EIF2AK4: variants seen among roughly 807,000 people sequenced by gnomAD.
The protein encoded by EIF2AK4 is eIF-2-alpha kinase GCN2.
EIF2AK4 carries 139 observed loss-of-function variants against 211.1 expected under a neutral mutation model. That is an observed-to-expected ratio of 0.66 (90% CI 0.57 to 0.76). The LOEUF (loss-of-function observed/expected upper bound fraction) is 0.76. EIF2AK4 is among the 30% of genes least tolerant of loss of function. The pLI is 0.00. For missense variants in EIF2AK4, 1,664 were observed against 2,043.8 expected (o/e 0.81, Z 3.58); for synonymous variants, 710 against 751.3 (o/e 0.94, Z 0.90).
intron 33 of EIF2AK4, among the ~76,000 whole-genome samples, chr15:40,027,970 T>C (rs1203156102): frequency 6.6e-6 from 1 of 151,854 alleles, no homozygotes; most frequent in East Asian, 1.9e-4. Flanking sequence ...AACCTATACA[T>C]AAAAAAATGT....
chr15:39,968,376 T>C (rs1484196158), intron 9 of EIF2AK4, among the ~76,000 whole-genome samples: 1 of 152,234 alleles, frequency 6.6e-6, no homozygotes, highest in Non-Finnish European at 1.5e-5. Flanking sequence ...TACCTGTAAA[T>C]CACAGGTGCA....
chr15:40,008,020 T>C lies in EIF2AK4; in HGVS notation c.3408-7T>C. The C allele has an allele frequency of 6.6e-7, 1 of 1,524,270 alleles. No homozygotes were observed. Among genetic ancestry groups the C allele is most frequent in the South Asian group, 1.3e-5 (1 of 77,088 alleles). 94.4% of individuals were successfully genotyped at this position (1,524,270 alleles called of 1,614,324 possible). On this transcript the variant is annotated splice_region_variant and splice_polypyrimidine_tract_variant and intron_variant, in intron 24 of 38. Transcript: ENST00000263791. ...ATGACCTTAGAAATCTGGGTTTCTC[T>C]CTCCAGATACTGCATAGAACGTGTG...
chr15:40,005,813 C>T (rs190481004), intron 23 of EIF2AK4, among the ~76,000 whole-genome samples: 12 of 152,088 alleles, frequency 7.9e-5, no homozygotes, highest in Non-Finnish European at 1.5e-4. Flanking sequence ...CCTCGTGATC[C>T]GCCCACCTGG....
intron 21 of EIF2AK4, chr15:40,002,267 C>G: frequency 6.5e-6 from 1 of 152,936 alleles, no homozygotes; most frequent in East Asian, 1.9e-4. Context: ...TTTTATAATA[C>G]AAAAACAAAT....
intron 4 of EIF2AK4, among the ~76,000 whole-genome samples, chr15:39,953,057 A>G (rs2034342178): frequency 6.6e-6 from 1 of 152,152 alleles, no homozygotes; most frequent in Non-Finnish European, 1.5e-5. Context: ...CACATTGGCC[A>G]GGCTGGTCTC....
At chr15:40,006,443 A>G (rs995723066) in intron 23 of EIF2AK4, among the ~76,000 whole-genome samples, 1 of 152,250 alleles carries the variant, frequency 6.6e-6, no homozygotes, top group Admixed American at 6.5e-5. Flanking sequence ...TGATATTGAA[A>G]TGCAAAAAAT....
In EIF2AK4 at chr15:39,985,818, A is replaced by G. The variant is rs759761201; in HGVS notation, c.2333A>G (p.Asn778Ser). ...SKSQNQDEDC[N>S]EKNGCHESEP... ...GTCTTGGGTTAGGATGAAGATTGCA[A>G]TGAAAAGAATGGCTGCCATGAAAGT... Residue 778 changes from asparagine to serine, a missense_variant, in exon 14 of 39, where the codon AAT (asparagine) becomes AGT (serine). Physicochemically the swap from Asn to Ser is conservative, Grantham distance 46. This residue lies in a region of EIF2AK4 where 206 missense variants were observed against 201.9 expected (regional missense o/e 1.02). Transcript: ENST00000263791. 2.5e-6 allele frequency: 4 copies of G among 1,614,100 alleles called. No homozygotes were observed. Among genetic ancestry groups the G allele is most frequent in the East Asian group, 2.2e-5 (1 of 44,882 alleles).
intron 3 of EIF2AK4, among the ~76,000 whole-genome samples, chr15:39,948,611 A>G (rs967982123): frequency 6.6e-6 from 1 of 152,214 alleles, no homozygotes; most frequent in Non-Finnish European, 1.5e-5. Context: ...TAACAAGGAG[A>G]TAATAAGGCC....
At chr15:39,977,129 G>T in intron 12 of EIF2AK4, 1 of 244,800 alleles carries the variant, frequency 4.1e-6, no homozygotes, top group Non-Finnish European at 7.2e-6. Flanking sequence ...TGTTGACCAT[G>T]TTTAAAAACA....
chr15:39,949,968 GATAAT>G (rs1042416026), intron 4 of EIF2AK4, among the ~76,000 whole-genome samples: 1 of 151,696 alleles, frequency 6.6e-6, no homozygotes, highest in Admixed American at 6.6e-5. Context: ...TTAAATCAAA[GATAAT>G]ATATGCAACT....
chr15:39,991,811 C>T, intron 16 of EIF2AK4: 1 of 169,286 alleles, frequency 5.9e-6, no homozygotes, highest in South Asian at 1.5e-4. Flanking sequence ...AAAGTAACAG[C>T]AGTGGGTAAG....
intron 14 of EIF2AK4, among the ~76,000 whole-genome samples, chr15:39,986,251 A>C (rs1217425425): frequency 6.6e-6 from 1 of 152,252 alleles, no homozygotes; most frequent in African/African-American, 2.4e-5. Flanking sequence ...AATAAATAAC[A>C]TGTGAAGTAC....
At position 39,976,600 on chromosome 15, in the gene EIF2AK4, C is replaced by T. The variant is rs1418269606; in HGVS notation, c.2005C>T (p.Pro669Ser). The T allele has an allele frequency of 6.2e-7, 1 of 1,608,482 alleles. No homozygotes were observed. Among genetic ancestry groups the T allele is most frequent in the Admixed American group, 1.7e-5 (1 of 59,700 alleles). The change falls in exon 12 of 39, where the codon CCC (proline) becomes TCC (serine). Residue 669 changes from proline (P) to serine (S), a missense_variant. Around this residue, in one of 7 missense-constraint regions of EIF2AK4, gnomAD observed 206 missense variants for 201.9 expected, o/e 1.02. Transcript: ENST00000263791. The stretch of plus-strand genomic sequence containing the variant: ...GCGGCCGGCGGGACCGGGGACGCCG[C>T]CCCCGGACTCCGGGCCCCTGGCCAA... Reference protein sequence around the residue: ...HERPAGPGTPPPDSGPLAKDD... With the variant: ...HERPAGPGTPSPDSGPLAKDD...
At chr15:40,007,152 T>C in intron 24 of EIF2AK4, 87 bp downstream of exon 24, 1 of 1,210,714 alleles carries the variant, frequency 8.3e-7, no homozygotes, top group South Asian at 1.3e-5. Context: ...TTATTTCCTG[T>C]GATCCTTACA....
intron 9 of EIF2AK4, 70 bp downstream of exon 9, chr15:39,967,949 G>T (rs2034568670): frequency 6.7e-7 from 1 of 1,488,610 alleles, no homozygotes; most frequent in Non-Finnish European, 9.1e-7. Context: ...GAGTGTGCCA[G>T]ACATCTAAGT....
intron 7 of EIF2AK4, 140 bp from the exon 8 acceptor site, chr15:39,965,546 T>C: frequency 1.1e-6 from 1 of 951,714 alleles, no homozygotes; most frequent in Non-Finnish European, 1.6e-6. Flanking sequence ...AAAAGGACAT[T>C]ATTACATAAA....
At chr15:40,017,551 A>ATATATGTATGTATGTATG (rs71132134) in intron 29 of EIF2AK4, among the ~76,000 whole-genome samples, 2 of 87,088 alleles carry the variant, frequency 2.3e-5, no homozygotes, top group African/African-American at 4.5e-5. Flanking sequence ...ATATATATAT[A>ATATATGTATGTATGTATG]TATGTATTTT....
intron 13 of EIF2AK4, among the ~76,000 whole-genome samples, chr15:39,980,927 G>T (rs907107371): frequency 6.6e-6 from 1 of 152,168 alleles, no homozygotes; most frequent in Non-Finnish European, 1.5e-5. Flanking sequence ...GTAAAGAAAA[G>T]TCTAAGTGTA....
intron 26 of EIF2AK4, among the ~76,000 whole-genome samples, chr15:40,010,782 C>T (rs918534336): frequency 3.9e-5 from 6 of 152,170 alleles, no homozygotes; most frequent in Admixed American, 3.9e-4. Flanking sequence ...CTTTACTCCC[C>T]CTAAAGCTCT....
Sources: gnomAD v4.1 joint callset for allele counts (sites outside exome capture counted in the v4.1 genomes callset) on GRCh38, gnomAD v4.1.1 for gene constraint, gnomAD v4.1.1 regional missense constraint, MANE v1.5 for transcripts, NCBI Gene and HGNC (gene_info 2026-07-23, HGNC 2026-07-21) for gene names.